RALYL: variants seen among roughly 807,000 people sequenced by gnomAD.
RALYL encodes RALY RNA binding protein like.
RALYL carries 29 observed loss-of-function variants against 35.1 expected under a neutral mutation model. The observed-to-expected ratio is 0.83, with a 90% confidence interval of 0.61 to 1.13. The LOEUF (loss-of-function observed/expected upper bound fraction) is 1.13, where lower values mean the gene tolerates loss of function less well. Among genes scored for constraint, RALYL ranks in the 50% most tolerant of loss-of-function variants. RALYL has a pLI of 0.00. For synonymous variants in RALYL, 120 were observed against 127.6 expected, an observed-to-expected ratio of 0.94 and a Z score of 0.40; for missense variants, 359 against 360.4, an observed-to-expected ratio of 1.00 and a Z score of 0.03.
chr8:84,619,181 G>A (rs1376891614), intron 2 of RALYL, among the ~76,000 whole-genome samples: 1 of 151,662 alleles, frequency 6.6e-6, no homozygotes, highest in Non-Finnish European at 1.5e-5. Flanking sequence ...TCTGTCTAAT[G>A]TTGACAGTGG....
intron 1 of RALYL, among the ~76,000 whole-genome samples, chr8:84,383,120 A>T (rs1490476977): frequency 6.6e-6 from 1 of 151,816 alleles, no homozygotes; most frequent in Non-Finnish European, 1.5e-5. Context: ...ATCCACTCAC[A>T]TCACTTATTC....
intron 1 of RALYL, among the ~76,000 whole-genome samples, chr8:84,440,670 C>T (rs908441095): frequency 1.3e-5 from 2 of 151,978 alleles, no homozygotes; most frequent in African/African-American, 4.8e-5. Flanking sequence ...CTACTTTGTT[C>T]CTTGTTCCAC....
chr8:84,823,844 T>C (rs1037087324), intron 4 of RALYL, among the ~76,000 whole-genome samples: 2 of 152,020 alleles, frequency 1.3e-5, no homozygotes, highest in African/African-American at 4.8e-5. Flanking sequence ...ATGCATGCCT[T>C]CTATCAGAAG....
At chr8:84,396,829 G>A (rs1861849535) in intron 1 of RALYL, among the ~76,000 whole-genome samples, 1 of 151,872 alleles carries the variant, frequency 6.6e-6, no homozygotes, top group African/African-American at 2.4e-5. Context: ...TTTTGTTTCT[G>A]TTTTATAATC....
chr8:84,358,665 T>C (rs1353628823), intron 1 of RALYL, among the ~76,000 whole-genome samples: 1 of 152,044 alleles, frequency 6.6e-6, no homozygotes, highest in Non-Finnish European at 1.5e-5. Flanking sequence ...AATAAGGCAC[T>C]CCTGAAGTGC....
intron 2 of RALYL, among the ~76,000 whole-genome samples, chr8:84,599,885 G>A (rs181168741): frequency 1.3e-5 from 2 of 149,340 alleles, no homozygotes; most frequent in Non-Finnish European, 3.0e-5. Flanking sequence ...GGAGGGATGT[G>A]AGAAACTTGT....
chr8:84,354,989 C>T (rs1851556325), intron 1 of RALYL, among the ~76,000 whole-genome samples: 2 of 150,150 alleles, frequency 1.3e-5, no homozygotes, highest in Admixed American at 6.6e-5. Flanking sequence ...TCATGCGCAT[C>T]ACAAATATAC....
intron 4 of RALYL, among the ~76,000 whole-genome samples, chr8:84,842,052 A>G (rs1833518653): frequency 6.6e-6 from 1 of 152,224 alleles, no homozygotes; most frequent in South Asian, 2.1e-4. Flanking sequence ...ATCACAATTA[A>G]AAGAACTAGA....
chr8:84,320,240 G>A (rs953911271), intron 1 of RALYL, among the ~76,000 whole-genome samples: 3 of 151,884 alleles, frequency 2.0e-5, no homozygotes, highest in Middle Eastern at 3.2e-3. Context: ...GTCTGCGCTA[G>A]AGTCATATGA....
chr8:84,244,523 A>G (rs1477377524), intron 1 of RALYL, among the ~76,000 whole-genome samples: 1 of 152,158 alleles, frequency 6.6e-6, no homozygotes, highest in African/African-American at 2.4e-5. Flanking sequence ...TTTATGTCAC[A>G]TTTCTTTAAG....
At chr8:84,756,716 T>C (rs969002584) in intron 2 of RALYL, among the ~76,000 whole-genome samples, 1 of 152,198 alleles carries the variant, frequency 6.6e-6, no homozygotes, top group East Asian at 1.9e-4. Context: ...ATGATTGTCA[T>C]GATTTATTAT....
At chr8:84,380,721 G>C (rs1857813488) in intron 1 of RALYL, among the ~76,000 whole-genome samples, 1 of 151,918 alleles carries the variant, frequency 6.6e-6, no homozygotes, top group African/African-American at 2.4e-5. Context: ...CAGCATCAGT[G>C]GTGGGGGTCC....
chr8:84,439,374 G>A (rs1207235249), intron 1 of RALYL, among the ~76,000 whole-genome samples: 1 of 152,052 alleles, frequency 6.6e-6, no homozygotes, highest in African/African-American at 2.4e-5. Flanking sequence ...TGGTAGGAAT[G>A]TTCCTGCTGT....
chr8:84,676,529 A>G (rs769382657), intron 2 of RALYL, among the ~76,000 whole-genome samples: 28 of 152,182 alleles, frequency 1.8e-4, no homozygotes, highest in Admixed American at 7.2e-4. Context: ...TGATTTCACA[A>G]TGAGTCCATG....
chr8:84,548,467 G>GT (rs1437221996), intron 2 of RALYL, among the ~76,000 whole-genome samples: 2 of 151,806 alleles, frequency 1.3e-5, no homozygotes, highest in African/African-American at 2.4e-5. Context: ...TTATAATTTT[G>GT]TTTTTTTGTG....
At chr8:84,392,402 AT>A (rs1410676153) in intron 1 of RALYL, among the ~76,000 whole-genome samples, 1 of 151,922 alleles carries the variant, frequency 6.6e-6, no homozygotes, top group Non-Finnish European at 1.5e-5. Context: ...AATTGAATCT[AT>A]TGAAGATATT....
chr8:84,240,228 A>G (rs2131555108), intron 1 of RALYL, among the ~76,000 whole-genome samples: 1 of 152,348 alleles, frequency 6.6e-6, no homozygotes, highest in Non-Finnish European at 1.5e-5. Context: ...TTAAAAAGCA[A>G]TTATACTTTT....
Position 84,608,095 on chromosome 8 carries a change from G to A in RALYL, c.256+78518G>A, listed in dbSNP as rs79178559. 3.7e-3 allele frequency among the ~76,000 whole-genome samples: 566 copies of A among 152,098 alleles called. 9 individuals carry two copies. Among genetic ancestry groups the A allele is most frequent in the Middle Eastern group, 0.014 (4 of 292 alleles). On this transcript the variant is annotated intron_variant, in intron 2 of 8. Transcript: ENST00000521268. ...GACAAGCTGTTTATGGACATGCTTT[G>A]AGTAGCAGTGTTCTAAATCACACTC...
intron 1 of RALYL, among the ~76,000 whole-genome samples, chr8:84,519,436 T>C (rs983126065): frequency 2.6e-5 from 4 of 152,188 alleles, no homozygotes; most frequent in Non-Finnish European, 4.4e-5. Flanking sequence ...AAGTCCCTCA[T>C]TGTAGACTCC....
Sources: gnomAD v4.1 joint callset for allele counts (sites outside exome capture counted in the v4.1 genomes callset) on GRCh38, gnomAD v4.1.1 for gene constraint, MANE v1.5 for transcripts, NCBI Gene and HGNC (gene_info 2026-07-23, HGNC 2026-07-21) for gene names.